Variants in SRPK2 observed in about 807,000 individuals in gnomAD.
The protein encoded by SRPK2 is SRSF protein kinase 2.
SRPK2 carries 21 observed loss-of-function variants against 90.8 expected under a neutral mutation model. That is an observed-to-expected ratio of 0.23 (90% CI 0.16 to 0.33). The LOEUF (loss-of-function observed/expected upper bound fraction) is 0.33, where lower values mean the gene tolerates loss of function less well. Among genes scored for constraint, SRPK2 ranks in the 10% least tolerant of loss-of-function variants. The pLI is 1.00. For missense variants in SRPK2, 620 were observed against 869.0 expected, an observed-to-expected ratio of 0.71 and a Z score of 3.60; for synonymous variants, 288 against 311.1, an observed-to-expected ratio of 0.93 and a Z score of 0.78.
intron 2 of SRPK2, among the ~76,000 whole-genome samples, chr7:105,293,655 G>A (rs2131088231): frequency 6.6e-6 from 1 of 152,110 alleles, no homozygotes; most frequent in South Asian, 2.1e-4. Flanking sequence ...CCTGACCTCA[G>A]GTGATCTACC....
At chr7:105,278,652 C>T (rs1806842707) in intron 2 of SRPK2, among the ~76,000 whole-genome samples, 1 of 150,538 alleles carries the variant, frequency 6.6e-6, no homozygotes, top group Non-Finnish European at 1.5e-5. Flanking sequence ...TACCACTGCA[C>T]ACCAGCCTGG....
chr7:105,157,677 G>GAC (rs1410220524), intron 7 of SRPK2, among the ~76,000 whole-genome samples: 25 of 152,122 alleles, frequency 1.6e-4, no homozygotes, highest in African/African-American at 4.3e-4. Flanking sequence ...CAGACCACAT[G>GAC]ACACAATCAA....
At chr7:105,185,122 A>G (rs1793407701) in intron 3 of SRPK2, among the ~76,000 whole-genome samples, 1 of 152,148 alleles carries the variant, frequency 6.6e-6, no homozygotes, top group Non-Finnish European at 1.5e-5. Context: ...AAATAAATGT[A>G]TAATATATTG....
At chr7:105,269,093 A>T (rs1805486802) in intron 2 of SRPK2, 1 of 1,179,132 alleles carries the variant, frequency 8.5e-7, no homozygotes, top group African/African-American at 1.5e-5. Flanking sequence ...AGCAGGAAGT[A>T]CCATTTCTTT....
chr7:105,253,908 C>CA (rs1246000815), intron 2 of SRPK2, among the ~76,000 whole-genome samples: 2 of 49,260 alleles, frequency 4.1e-5, no homozygotes, highest in East Asian at 2.4e-4. Context: ...AAAAAACAAA[C>CA]AAACAAAAAA....
At chr7:105,147,650 T>C (rs763635952) in intron 7 of SRPK2, among the ~76,000 whole-genome samples, 2 of 152,190 alleles carry the variant, frequency 1.3e-5, no homozygotes, top group Non-Finnish European at 2.9e-5. Flanking sequence ...AACATTTTCA[T>C]TGCTCCAAAA....
intron 2 of SRPK2, among the ~76,000 whole-genome samples, chr7:105,279,449 AG>A (rs1171373882): frequency 6.6e-6 from 1 of 152,326 alleles, no homozygotes; most frequent in East Asian, 1.9e-4. Flanking sequence ...AGTTCTGGCA[AG>A]AAAAGTGAGT....
chr7:105,373,275 C>G (rs1209311282), intron 2 of SRPK2, among the ~76,000 whole-genome samples: 1 of 151,756 alleles, frequency 6.6e-6, no homozygotes, highest in East Asian at 1.9e-4. Context: ...TGAAGGCCAT[C>G]AACGATAAAC....
At chr7:105,202,435 C>A (rs1301287936) in intron 3 of SRPK2, among the ~76,000 whole-genome samples, 1 of 152,190 alleles carries the variant, frequency 6.6e-6, no homozygotes, top group African/African-American at 2.4e-5. Flanking sequence ...ATCTCACCAA[C>A]TTTGGCTCAG....
chr7:105,290,903 T>C (rs1183836747), intron 2 of SRPK2, among the ~76,000 whole-genome samples: 2 of 149,106 alleles, frequency 1.3e-5, no homozygotes, highest in African/African-American at 4.9e-5. Flanking sequence ...CCGGGCGCGG[T>C]GGCGGGCGCC....
intron 2 of SRPK2, among the ~76,000 whole-genome samples, chr7:105,319,631 A>C (rs1812710082): frequency 6.6e-6 from 1 of 151,104 alleles, no homozygotes; most frequent in Non-Finnish European, 1.5e-5. Flanking sequence ...TTCAATATTT[A>C]AGTCCTTGTG....
At chr7:105,368,097 A>G (rs1294384412) in intron 2 of SRPK2, among the ~76,000 whole-genome samples, 1 of 152,232 alleles carries the variant, frequency 6.6e-6, no homozygotes, top group Non-Finnish European at 1.5e-5. Context: ...CAAGGAAAAG[A>G]GGAAATTATT....
At chr7:105,154,057 C>T (rs148257193) in intron 7 of SRPK2, among the ~76,000 whole-genome samples, 31 of 152,340 alleles carry the variant, frequency 2.0e-4, no homozygotes, top group Non-Finnish European at 3.8e-4. Context: ...GCCAGAGACA[C>T]GCTCAAACCA....
At position 105,277,021 on chromosome 7, in the gene SRPK2, A is replaced by G. The variant is rs75540237; in HGVS notation, c.72-73236T>C. Among the ~76,000 whole-genome samples, 815 of 152,048 alleles carry G rather than the reference A, an allele frequency of 5.4e-3. 9 individuals are homozygous for G. The highest frequency in any genetic ancestry group is 0.031 in the Middle Eastern group (9 of 294). Reference sequence around the variant, plus strand: ...TTCTCTCTATTTCACATGTTTACACATTCTACTGCCTCAGGATACACGCTT... The same window carrying G: ...TTCTCTCTATTTCACATGTTTACACGTTCTACTGCCTCAGGATACACGCTT... On this transcript the variant is annotated intron_variant, in intron 2 of 15. Transcript: ENST00000393651.
At chr7:105,125,234 T>C (rs549136157) in intron 15 of SRPK2, among the ~76,000 whole-genome samples, 1 of 152,112 alleles carries the variant, frequency 6.6e-6, no homozygotes, top group East Asian at 1.9e-4. Context: ...GGGACTATAC[T>C]GGGCAAATAA....
intron 2 of SRPK2, among the ~76,000 whole-genome samples, chr7:105,217,997 G>A (rs1319360215): frequency 6.6e-6 from 1 of 152,176 alleles, no homozygotes; most frequent in Non-Finnish European, 1.5e-5. Context: ...TCAAAGAAAG[G>A]AGAGAAAATT....
At chr7:105,306,630 G>A (rs747391173) in intron 2 of SRPK2, 15 of 380,126 alleles carry the variant, frequency 3.9e-5, no homozygotes, top group Non-Finnish European at 6.6e-5. Context: ...CTATCCTCTC[G>A]TTGGCAAGAT....
intron 15 of SRPK2, among the ~76,000 whole-genome samples, chr7:105,121,070 G>A (rs1054640439): frequency 7.2e-5 from 11 of 152,140 alleles, no homozygotes; most frequent in Non-Finnish European, 1.0e-4. Context: ...GTCATCGGCC[G>A]GGCACGGTGG....
intron 2 of SRPK2, among the ~76,000 whole-genome samples, chr7:105,227,287 C>T (rs11766754): frequency 0.017 from 2,657 of 152,184 alleles, 28 homozygotes; most frequent in Non-Finnish European, 0.025. Context: ...CATCCATCAC[C>T]CAAGCAGTAT....
Sources: allele counts gnomAD v4.1 joint callset (sites outside exome capture counted in the v4.1 genomes callset), GRCh38; gene constraint gnomAD v4.1.1; transcripts MANE v1.5; gene names NCBI Gene and HGNC (gene_info 2026-07-23, HGNC 2026-07-21).